The following CAST variants were observed in gnomAD, a reference collection of about 807,000 sequenced individuals.
CAST encodes calpastatin.
In CAST, 76 loss-of-function variants were observed where a neutral mutation model predicts 119.6. That is an observed-to-expected ratio of 0.64 (90% confidence interval 0.53 to 0.77). CAST has a LOEUF of 0.77. Ranked by LOEUF, CAST falls within the 30% of genes least tolerant of loss-of-function variation. The probability of loss-of-function intolerance (pLI) is 0.00; values close to 1 mark genes in which losing one functional copy is unlikely to be tolerated. For missense variants in CAST, 953 were observed against 946.5 expected (o/e 1.01, Z -0.09); for synonymous variants, 319 against 331.6 (o/e 0.96, Z 0.41).
the CAST span, chr5:96,423,461 TG>T: frequency 4.8e-5 from 78 of 1,614,016 alleles, no homozygotes; most frequent in Non-Finnish European, 6.4e-5. Context: ...GGTATCTTGC[TG>T]GTAAAGAAAA....
At chr5:96,432,018 A>G in the CAST span, 2 of 1,185,144 alleles carry the variant, frequency 1.7e-6, no homozygotes, top group Non-Finnish European at 2.4e-6. Context: ...CCAGCTACCT[A>G]TCGACCAAGC....
upstream of CAST, among the ~76,000 whole-genome samples, chr5:96,523,440 C>T (rs1837269): frequency 0.53 from 80,846 of 152,054 alleles, 21,974 homozygotes; most frequent in South Asian, 0.61. Flanking sequence ...AGCTAAGTGC[C>T]ACATGTTCAG....
the CAST span, among the ~76,000 whole-genome samples, chr5:95,993,918 T>TAATTTAAATTAAATTAATTTA: frequency 6.6e-6 from 1 of 152,082 alleles, no homozygotes. Flanking sequence ...TAATTTGCAT[T>TAATTTAAATTAAATTAATTTA]AATTTAAATT....
the CAST span, among the ~76,000 whole-genome samples, chr5:96,348,123 A>G: frequency 6.6e-6 from 1 of 152,146 alleles, no homozygotes; most frequent in Admixed American, 6.5e-5. Flanking sequence ...CGGATGTAGT[A>G]TCATGGAGGT....
the CAST span, among the ~76,000 whole-genome samples, chr5:96,268,363 A>T: frequency 1.3e-5 from 2 of 152,210 alleles, no homozygotes; most frequent in African/African-American, 4.8e-5. Flanking sequence ...GCCTGAGGCA[A>T]GAAGTTCGGG....
chr5:96,102,801 G>C, the CAST span, among the ~76,000 whole-genome samples: 1 of 143,250 alleles, frequency 7.0e-6, no homozygotes, highest in Admixed American at 7.0e-5. Context: ...ACATCTTATT[G>C]CCTCCAGTTT....
At chr5:96,072,364 C>T in the CAST span, among the ~76,000 whole-genome samples, 5 of 152,266 alleles carry the variant, frequency 3.3e-5, no homozygotes, top group East Asian at 1.9e-4. Context: ...GCAGCAGCTA[C>T]GGCTGGAGAA....
the CAST span, among the ~76,000 whole-genome samples, chr5:96,240,524 T>A: frequency 3.3e-5 from 5 of 152,160 alleles, no homozygotes; most frequent in African/African-American, 4.8e-5. Flanking sequence ...TGTTATGGCC[T>A]CTGCAAGAAT....
chr5:96,496,659 A>G, the CAST span, among the ~76,000 whole-genome samples: 1 of 152,250 alleles, frequency 6.6e-6, no homozygotes, highest in African/African-American at 2.4e-5. Context: ...GAAAGTGTGG[A>G]TAGAACTTCT....
At chr5:96,598,481 G>A (rs1268922051) in intron 1 of CAST, among the ~76,000 whole-genome samples, 1 of 152,028 alleles carries the variant, frequency 6.6e-6, no homozygotes, top group African/African-American at 2.4e-5. Flanking sequence ...ATGTCTTTGG[G>A]AAGATTTGCA....
chr5:96,239,959 T>G, the CAST span, among the ~76,000 whole-genome samples: 1 of 152,146 alleles, frequency 6.6e-6, no homozygotes, highest in Admixed American at 6.6e-5. Context: ...TTATATCTAA[T>G]TTGTAATTTA....
chr5:96,670,294 G>A (rs1422739362), intron 1 of CAST, among the ~76,000 whole-genome samples: 1 of 151,508 alleles, frequency 6.6e-6, no homozygotes, highest in African/African-American at 2.4e-5. Flanking sequence ...TCACAGGGTG[G>A]TCACAACCAT....
At chr5:96,022,642 G>C in the CAST span, among the ~76,000 whole-genome samples, 358 of 152,266 alleles carry the variant, frequency 2.4e-3, no homozygotes, top group African/African-American at 8.2e-3. Context: ...ATGGAATAAA[G>C]CTCTGTGTCA....
chr5:96,288,693 A>G, the CAST span, among the ~76,000 whole-genome samples: 24 of 152,282 alleles, frequency 1.6e-4, no homozygotes, highest in African/African-American at 4.6e-4. Context: ...AAAGTGCTGT[A>G]TTTGAAGTCA....
chr5:96,393,920 A>G, the CAST span, among the ~76,000 whole-genome samples: 2 of 152,200 alleles, frequency 1.3e-5, no homozygotes, highest in African/African-American at 4.8e-5. Context: ...AGAGAAGCCA[A>G]CCTTGGCCAA....
chr5:96,707,316 T>C (rs1276267677), intron 3 of CAST, among the ~76,000 whole-genome samples: 2 of 152,218 alleles, frequency 1.3e-5, no homozygotes, highest in Non-Finnish European at 2.9e-5. Context: ...TTTAACTTTA[T>C]TTGAGGAAGA....
At chr5:96,121,789 A>G in the CAST span, among the ~76,000 whole-genome samples, 1 of 152,094 alleles carries the variant, frequency 6.6e-6, no homozygotes, top group Non-Finnish European at 1.5e-5. Flanking sequence ...CACTCCTGGG[A>G]TGGAAAGAGA....
rs1366211261 is a variant in CAST at position 96,770,485 on chromosome 5, A to G, written c.2269-46A>G. 7.4e-6 allele frequency: 9 copies of G among 1,213,370 alleles called. No individual in the cohort carries two copies. The South Asian group carries it at 9.7e-5, about 13-fold the overall frequency. 75.2% of individuals were successfully genotyped at this position (1,213,370 alleles called of 1,614,324 possible). A position where few individuals can be genotyped will look rare whatever the true frequency, so the allele number is the denominator to read the frequency against. On this transcript the variant is annotated intron_variant, in intron 29 of 31. Transcript: ENST00000675179. ...TAACTGCAGCCTAGTTAATTGCTAG[A>G]TGGATTGGTGATAGCCATAGCCTCA... is the stretch of plus-strand genomic sequence containing the variant.
At chr5:96,444,677 A>G in the CAST span, among the ~76,000 whole-genome samples, 1 of 151,962 alleles carries the variant, frequency 6.6e-6, no homozygotes, top group Non-Finnish European at 1.5e-5. Flanking sequence ...TTCTTCTCTC[A>G]TGGTTATAAT....
Sources: gnomAD v4.1 joint callset for allele counts (sites outside exome capture counted in the v4.1 genomes callset) on GRCh38, gnomAD v4.1.1 for gene constraint, MANE v1.5 for transcripts, NCBI Gene and HGNC (gene_info 2026-07-23, HGNC 2026-07-21) for gene names.